Variants in CD86 observed in about 807,000 individuals in gnomAD.
CD86 encodes the protein T-lymphocyte activation antigen CD86.
CD86 carries 11 observed loss-of-function variants against 32.1 expected under a neutral mutation model. The ratio of observed to expected loss-of-function variants is 0.34; its 90% CI spans 0.22 to 0.57. The LOEUF (loss-of-function observed/expected upper bound fraction) is 0.57, where lower values mean the gene tolerates loss of function less well. CD86 is among the 20% of genes least tolerant of loss of function. The pLI is 0.86. For synonymous variants in CD86, 137 were observed against 135.3 expected (o/e 1.01, Z -0.09); for missense variants, 359 against 398.4 (o/e 0.90, Z 0.84).
chr3:122,102,581 A>C (rs901908236), intron 2 of CD86, among the ~76,000 whole-genome samples: 2 of 152,042 alleles, frequency 1.3e-5, no homozygotes, highest in South Asian at 2.1e-4. Flanking sequence ...CCCTTCCAGC[A>C]TGATGTCTAT....
chr3:122,107,654 G>T (rs1419514892), intron 4 of CD86, among the ~76,000 whole-genome samples: 3 of 152,082 alleles, frequency 2.0e-5, no homozygotes, highest in Non-Finnish European at 4.4e-5. Context: ...TTCTTACCTT[G>T]ACCCCTTCTC....
chr3:122,102,562 T>C (rs1039149329), intron 2 of CD86, among the ~76,000 whole-genome samples: 4 of 152,000 alleles, frequency 2.6e-5, no homozygotes, highest in Non-Finnish European at 4.4e-5. Flanking sequence ...ACTAAAGCCT[T>C]TCTCTCAACC....
In CD86 at chr3:122,064,451, G is replaced by A. The variant is rs369599811; in HGVS notation, c.14+8948G>A. ...GAGGTACAGCCCGTATGCTGCAAAT[G>A]GCCAACATAGATCCTCAGATGACAG... On this transcript the variant is annotated intron_variant, in intron 1 of 6. Coordinates refer to ENST00000330540, the MANE Select transcript of CD86 (RefSeq NM_175862.5). Among the ~76,000 whole-genome samples the A allele has an allele frequency of 7.9e-5, 12 of 152,238 alleles. No homozygotes were observed. In the East Asian group the frequency reaches 1.7e-3, roughly 22 times the overall value.
chr3:122,080,662 C>T (rs1181795500), intron 1 of CD86, among the ~76,000 whole-genome samples: 8 of 152,078 alleles, frequency 5.3e-5, no homozygotes, highest in Admixed American at 1.3e-4. Flanking sequence ...GAACAACTCA[C>T]GAAAGAAAAC....
chr3:122,106,981 T>C (rs1488887403), intron 4 of CD86, among the ~76,000 whole-genome samples: 1 of 152,090 alleles, frequency 6.6e-6, no homozygotes, highest in African/African-American at 2.4e-5. Context: ...CCTCTGCCCT[T>C]GAGGACCTTC....
chr3:122,086,576 C>T, intron 1 of CD86: 3 of 480,522 alleles, frequency 6.2e-6, no homozygotes, highest in South Asian at 4.5e-5. Flanking sequence ...TAGTGTGCAC[C>T]TGAAGCCTAA....
In CD86 at chr3:122,091,206, A is replaced by G. The variant is rs2072812325; in HGVS notation, c.15-395A>G. Among the ~76,000 whole-genome samples the G allele has an allele frequency of 2.0e-5, 3 of 152,328 alleles. No homozygotes were observed. In the South Asian group the frequency reaches 6.2e-4, roughly 32 times the overall value. On this transcript the variant is annotated intron_variant, in intron 1 of 6. Transcript: ENST00000330540. ...GTAAAGAGAGCTGCTTTATTAGTTT[A>G]TTAAGCAAACCAGATCTCTTCCATT...
Position 122,073,530 on chromosome 3 carries a change from A to G in CD86, c.14+18027A>G, listed in dbSNP as rs780292374. 7.2e-5 allele frequency among the ~76,000 whole-genome samples: 11 copies of G among 152,290 alleles called. No individual in the cohort carries two copies. The South Asian group carries it at 2.3e-3, about 32-fold the overall frequency. On this transcript the variant is annotated intron_variant, in intron 1 of 6. Transcript: ENST00000330540. ...TGCTTTAAGGAGGAAGGGTTTTAAAAATACAATTTACAGTAGCAGTAAAAA... is the reference window on the plus strand; with the variant it reads ...TGCTTTAAGGAGGAAGGGTTTTAAAGATACAATTTACAGTAGCAGTAAAAA...
intron 2 of CD86, among the ~76,000 whole-genome samples, chr3:122,102,320 C>T (rs1039528409): frequency 6.6e-6 from 1 of 151,642 alleles, no homozygotes; most frequent in Admixed American, 6.6e-5. Context: ...CACTAACTTC[C>T]TCTCCAAGGT....
In CD86 at chr3:122,103,831, T is replaced by G. The variant is rs2073049270; in HGVS notation, c.384T>G (p.Ser128=). The G allele has an allele frequency of 6.2e-7, 1 of 1,613,322 alleles. No homozygotes were observed. The highest frequency in any genetic ancestry group is 8.5e-7 in the Non-Finnish European group (1 of 1,179,396). ...TGATTCGCATCCACCAGATGAATTC[T>G]GAACTGTCAGTGCTTGGTATGTGGT... ...TGMIRIHQMN[S]ELSVLANFSQ... The change falls in exon 3 of 7, where the codon TCT becomes TCG. Residue 128 remains serine (S), a synonymous_variant. Transcript: ENST00000330540.
intron 2 of CD86, among the ~76,000 whole-genome samples, chr3:122,097,677 A>G (rs2072929326): frequency 6.6e-6 from 1 of 152,094 alleles, no homozygotes; most frequent in Non-Finnish European, 1.5e-5. Flanking sequence ...ATGAGGTGAG[A>G]GGGCTAGGAG....
chr3:122,093,781 C>T (rs2681414), intron 2 of CD86, among the ~76,000 whole-genome samples: 145,398 of 152,244 alleles, frequency 0.96, 69,781 homozygotes, highest in East Asian at 1. Context: ...CACAATAACT[C>T]TCTGCTTTAG....
At chr3:122,074,603 A>G (rs965831831) in intron 1 of CD86, among the ~76,000 whole-genome samples, 1 of 152,188 alleles carries the variant, frequency 6.6e-6, no homozygotes, top group Non-Finnish European at 1.5e-5. Context: ...TGAAATTGGA[A>G]AACTCAGCTA....
chr3:122,120,094 AAGGAGTTCTCATCCCTCTGTC>A lies in CD86; in HGVS notation c.*564_*584del, dbSNP rs1260516722. ...CTCTAGAGAAAAGTCTACCCCTGCT[AAGGAGTTCTCATCCCTCTGTC>A]AGGGTCAGTAAGGAAAACGGTGGCC... On this transcript the variant is annotated 3_prime_UTR_variant, in exon 7 of 7. Coordinates refer to ENST00000330540, the MANE Select transcript of CD86 (RefSeq NM_175862.5). The A allele has an allele frequency of 6.6e-6, 1 of 152,544 alleles. No individual in the cohort carries two copies. The highest frequency in any genetic ancestry group is 1.5e-5 in the Non-Finnish European group (1 of 68,336). 9.4% of individuals were successfully genotyped at this position (152,544 alleles called of 1,614,324 possible).
chr3:122,113,898 T>G (rs1169654943), intron 5 of CD86, among the ~76,000 whole-genome samples: 1 of 152,168 alleles, frequency 6.6e-6, no homozygotes, highest in African/African-American at 2.4e-5. Flanking sequence ...GAAGGGCATC[T>G]CTATGAATGA....
chr3:122,107,023 A>G (rs1288015469), intron 4 of CD86, among the ~76,000 whole-genome samples: 17 of 152,200 alleles, frequency 1.1e-4, no homozygotes, highest in Admixed American at 1.0e-3. Context: ...ATGTGCACAC[A>G]TGAAAAACTG....
chr3:122,114,749 GA>G (rs958083209), intron 5 of CD86, among the ~76,000 whole-genome samples: 35 of 151,650 alleles, frequency 2.3e-4, no homozygotes, highest in African/African-American at 6.8e-4. Context: ...AAACTAAAAA[GA>G]AAAAAACATA....
chr3:122,088,182 C>CT (rs60476471), intron 1 of CD86, among the ~76,000 whole-genome samples: 4,657 of 113,326 alleles, frequency 0.041, 177 homozygotes, highest in African/African-American at 0.089. Flanking sequence ...AAAGGGCCCT[C>CT]TTTTTTTTTT....
At chr3:122,056,793 G>A (rs1461009535) in intron 1 of CD86, among the ~76,000 whole-genome samples, 3 of 152,224 alleles carry the variant, frequency 2.0e-5, no homozygotes, top group Non-Finnish European at 2.9e-5. Flanking sequence ...ATTTTGAAGC[G>A]TTATACTTGT....
Sources: allele counts gnomAD v4.1 joint callset (sites outside exome capture counted in the v4.1 genomes callset), GRCh38; gene constraint gnomAD v4.1.1; transcripts MANE v1.5; gene names NCBI Gene and HGNC (gene_info 2026-07-23, HGNC 2026-07-21).